The following RPTOR variants were observed in gnomAD, a reference collection of about 807,000 sequenced individuals.
RPTOR encodes regulatory-associated protein of mTOR.
A neutral mutation model predicts 169.9 loss-of-function variants in RPTOR; 21 were observed. The ratio of observed to expected loss-of-function variants is 0.12; its 90% CI spans 0.09 to 0.18. The LOEUF (loss-of-function observed/expected upper bound fraction) is 0.18. Among genes scored for constraint, RPTOR ranks in the 10% least tolerant of loss-of-function variants. The pLI is 1.00. For missense variants in RPTOR, 1,133 were observed against 1,855.9 expected (o/e 0.61, Z 7.16); for synonymous variants, 732 against 753.2 (o/e 0.97, Z 0.46).
At chr17:80,885,194 CCCCGTGACA>C in intron 17 of RPTOR, 46 bp downstream of exon 17, 1 of 1,539,630 alleles carries the variant, frequency 6.5e-7, no homozygotes, top group African/African-American at 1.4e-5. Context: ...CCAGGCTGGA[CCCCGTGACA>C]CCTGGGGCCA....
intron 7 of RPTOR, among the ~76,000 whole-genome samples, chr17:80,814,747 A>G (rs1301003282): frequency 6.6e-6 from 1 of 152,218 alleles, no homozygotes; most frequent in Admixed American, 6.5e-5. Flanking sequence ...AGATGAAGAA[A>G]GAATGTAGTC....
At position 80,846,528 on chromosome 17, in the gene RPTOR, G is replaced by A. The variant is rs751988867; in HGVS notation, c.1268G>A (p.Gly423Asp). The A allele has an allele frequency of 6.2e-7, 1 of 1,614,102 alleles. No homozygotes were observed. The highest frequency in any genetic ancestry group is 1.7e-5 in the Admixed American group (1 of 60,010). ...GCATTCCAGGTGTGGCTCACCATGG[G>A]CGTGGAGAACCGAAACCCACCCGAA... is the stretch of plus-strand genomic sequence containing the variant. ...LTAFQVWLTM[G>D]VENRNPPEQL... Residue 423 changes from glycine (G) to aspartate (D), a missense_variant, in exon 11 of 34, where the codon GGC (glycine) becomes GAC (aspartate). Gly to Asp is a moderately conservative substitution (Grantham distance 94). Transcript: ENST00000306801.
At chr17:80,738,628 C>T (rs547457596) in intron 5 of RPTOR, among the ~76,000 whole-genome samples, 3 of 152,198 alleles carry the variant, frequency 2.0e-5, no homozygotes, top group Non-Finnish European at 2.9e-5. Context: ...TGACCACATA[C>T]GGCAATCTCC....
intron 3 of RPTOR, among the ~76,000 whole-genome samples, chr17:80,678,074 C>T (rs1438805953): frequency 6.6e-6 from 1 of 152,178 alleles, no homozygotes; most frequent in Non-Finnish European, 1.5e-5. Flanking sequence ...ACAATATACT[C>T]CAACTTGAAA....
chr17:80,800,194 C>T (rs371511376), intron 7 of RPTOR, among the ~76,000 whole-genome samples: 2 of 152,192 alleles, frequency 1.3e-5, no homozygotes, highest in East Asian at 1.9e-4. Flanking sequence ...CATGGCATAG[C>T]GTCCCTGCTG....
rs190142107 is a variant in RPTOR, at chr17:80,930,807, G to A, written c.2919+5327G>A. Among the ~76,000 whole-genome samples the A allele has an allele frequency of 7.1e-3, 1,074 of 152,294 alleles. 16 individuals carry two copies. The highest frequency in any genetic ancestry group is 0.024 in the African/African-American group (1,017 of 41,554). On this transcript the variant is annotated intron_variant, in intron 24 of 33. Transcript: ENST00000306801. Reference sequence around the variant, plus strand: ...CTGGACTCTGGTGCTCGCAGTCTCCGAGGCAGCAGGACAGCTTCCTCCCAC... The same window carrying A: ...CTGGACTCTGGTGCTCGCAGTCTCCAAGGCAGCAGGACAGCTTCCTCCCAC...
chr17:80,907,921 C>T (rs937504990), intron 20 of RPTOR, among the ~76,000 whole-genome samples: 8 of 152,284 alleles, frequency 5.3e-5, no homozygotes, highest in South Asian at 2.1e-4. Context: ...GAGTCACTCT[C>T]GCTCCTTCCT....
intron 28 of RPTOR, among the ~76,000 whole-genome samples, chr17:80,950,866 T>C (rs1467148660): frequency 6.6e-6 from 1 of 151,930 alleles, no homozygotes; most frequent in Non-Finnish European, 1.5e-5. Flanking sequence ...TTTTCTGGGG[T>C]CGCTCAGAGG....
intron 1 of RPTOR, among the ~76,000 whole-genome samples, chr17:80,552,416 C>G (rs2084357000): frequency 6.6e-6 from 1 of 152,200 alleles, no homozygotes; most frequent in Non-Finnish European, 1.5e-5. Context: ...GAGAGGCCCA[C>G]CATCACCCCA....
At chr17:80,935,328 A>AT (rs888489213) in intron 24 of RPTOR, among the ~76,000 whole-genome samples, 65 of 152,002 alleles carry the variant, frequency 4.3e-4, no homozygotes, top group East Asian at 3.9e-4. Flanking sequence ...CCCCAATAGG[A>AT]TTTTTTTTGG....
At chr17:80,618,798 C>T (rs1184194464) in intron 1 of RPTOR, among the ~76,000 whole-genome samples, 1 of 152,214 alleles carries the variant, frequency 6.6e-6, no homozygotes, top group Non-Finnish European at 1.5e-5. Context: ...TAGAGAGTCT[C>T]CCAAGCTAAC....
intron 1 of RPTOR, among the ~76,000 whole-genome samples, chr17:80,573,782 C>G (rs2143321268): frequency 6.6e-6 from 1 of 152,246 alleles, no homozygotes; most frequent in East Asian, 1.9e-4. Flanking sequence ...TCTTGAGTGT[C>G]ATTCTAATCA....
At chr17:80,564,214 C>T (rs1042908880) in intron 1 of RPTOR, among the ~76,000 whole-genome samples, 1 of 152,122 alleles carries the variant, frequency 6.6e-6, no homozygotes, top group Non-Finnish European at 1.5e-5. Context: ...AGGCGCCTGC[C>T]ACCACGCCTG....
chr17:80,651,545 A>C lies in RPTOR; in HGVS notation c.348+7735A>C, dbSNP rs1234604446. On this transcript the variant is annotated intron_variant, in intron 3 of 33. Coordinates refer to ENST00000306801, the MANE Select transcript of RPTOR (RefSeq NM_020761.3). The surrounding 1 kb of genome is among the most constrained non-coding windows in gnomAD (Gnocchi z 4.1). ...TGACACATAATGGAGATTTTTTTAA[A>C]ATGGACATACGAAGCACATAACGTC... 6.6e-6 allele frequency among the ~76,000 whole-genome samples: 1 copy of C among 152,166 alleles called. No individual in the cohort carries two copies. Among genetic ancestry groups the C allele is most frequent in the Non-Finnish European group, 1.5e-5 (1 of 68,044 alleles).
chr17:80,898,125 T>C (rs1194242381), intron 20 of RPTOR, among the ~76,000 whole-genome samples: 1 of 152,232 alleles, frequency 6.6e-6, no homozygotes, highest in Non-Finnish European at 1.5e-5. Flanking sequence ...TCTTTAATGC[T>C]GATAGGATTA....
At chr17:80,921,527 A>G (rs2068744908) in intron 21 of RPTOR, among the ~76,000 whole-genome samples, 1 of 152,186 alleles carries the variant, frequency 6.6e-6, no homozygotes, top group African/African-American at 2.4e-5. Context: ...GTGGTTTCTC[A>G]CGGCTGCTCA....
chr17:80,841,678 A>ACTCACCGCACAGCATCTCACT (rs2067663189), intron 10 of RPTOR, among the ~76,000 whole-genome samples: 1 of 49,398 alleles, frequency 2.0e-5, no homozygotes, highest in Non-Finnish European at 3.9e-5. Flanking sequence ...CGCAGCTCAC[A>ACTCACCGCACAGCATCTCACT]CTCACCGCAC....
intron 1 of RPTOR, among the ~76,000 whole-genome samples, chr17:80,568,881 G>A (rs752235651): frequency 2.0e-5 from 3 of 152,200 alleles, no homozygotes; most frequent in Non-Finnish European, 4.4e-5. Flanking sequence ...ATCTCACTAT[G>A]TTGCCCAGGC....
intron 21 of RPTOR, among the ~76,000 whole-genome samples, chr17:80,920,646 T>G (rs1257263496): frequency 6.6e-6 from 1 of 152,234 alleles, no homozygotes; most frequent in Non-Finnish European, 1.5e-5. Flanking sequence ...CCCAGGCGGC[T>G]CAGCGTGACG....
Sources: gnomAD v4.1 joint callset for allele counts (sites outside exome capture counted in the v4.1 genomes callset) on GRCh38, gnomAD v4.1.1 for gene constraint, Gnocchi (gnomAD v3.1) non-coding constraint, MANE v1.5 for transcripts, NCBI Gene and HGNC (gene_info 2026-07-23, HGNC 2026-07-21) for gene names.